Variants in PLD3 observed in about 807,000 individuals in gnomAD.
PLD3 encodes the protein 5'-3' exonuclease PLD3.
In PLD3, 31 loss-of-function variants were observed where a neutral mutation model predicts 58.4. The observed-to-expected ratio is 0.53, with a 90% CI of 0.40 to 0.72. The LOEUF (loss-of-function observed/expected upper bound fraction) is 0.72. Among genes scored for constraint, PLD3 ranks in the 30% least tolerant of loss-of-function variants. The pLI, the probability that PLD3 is intolerant of heterozygous loss-of-function variation, is 0.00. For missense variants in PLD3, 595 were observed against 659.8 expected (o/e 0.90, Z 1.08); for synonymous variants, 264 against 273.4 (o/e 0.97, Z 0.34).
intron 1 of PLD3, among the ~76,000 whole-genome samples, chr19:40,355,282 T>A (rs940046716): frequency 2.6e-5 from 4 of 152,004 alleles, no homozygotes; most frequent in Non-Finnish European, 5.9e-5. Context: ...TAGAATAACA[T>A]CTTTAAGAAG....
intron 11 of PLD3, 96 bp from the exon 12 acceptor site, chr19:40,377,690 C>T: frequency 2.4e-6 from 2 of 846,102 alleles, no homozygotes; most frequent in Non-Finnish European, 2.0e-6. Context: ...GCAGTGGAGT[C>T]CCACAGATCT....
intron 10 of PLD3, among the ~76,000 whole-genome samples, chr19:40,374,977 G>A (rs2145702625): frequency 6.6e-6 from 1 of 151,646 alleles, no homozygotes; most frequent in Non-Finnish European, 1.5e-5. Context: ...CTAACATGGT[G>A]AAATCCCATC....
At chr19:40,351,690 G>C (rs1031987523) in intron 1 of PLD3, among the ~76,000 whole-genome samples, 3 of 152,154 alleles carry the variant, frequency 2.0e-5, no homozygotes, top group Admixed American at 2.0e-4. Flanking sequence ...GAGAGGAGAG[G>C]GGCAAGAGAC....
intron 1 of PLD3, among the ~76,000 whole-genome samples, chr19:40,364,531 C>G (rs2078866888): frequency 6.6e-6 from 1 of 151,872 alleles, no homozygotes; most frequent in African/African-American, 2.4e-5. Flanking sequence ...GTGGCTCATG[C>G]CTGTAATCCC....
At chr19:40,375,935 C>G (rs1056354004) in intron 10 of PLD3, among the ~76,000 whole-genome samples, 1 of 152,058 alleles carries the variant, frequency 6.6e-6, no homozygotes, top group Non-Finnish European at 1.5e-5. Flanking sequence ...CACCTGCAGT[C>G]CCAGCTACTC....
At chr19:40,369,115 A>AC (rs1460136990) in intron 6 of PLD3, among the ~76,000 whole-genome samples, 1 of 151,846 alleles carries the variant, frequency 6.6e-6, no homozygotes, top group African/African-American at 2.4e-5. Flanking sequence ...ACATAGTGAA[A>AC]CCCTGTCTCT....
At position 40,350,248 on chromosome 19, in the gene PLD3, G is replaced by C. The variant is rs548411954; in HGVS notation, c.-279+1480G>C. Among the ~76,000 whole-genome samples, 8 of 123,192 alleles carry C rather than the reference G, an allele frequency of 6.5e-5. No homozygotes were observed. In the East Asian group the frequency reaches 1.4e-3, roughly 21 times the overall value. The allele number at this position is 123,192 out of a possible 152,430, so 80.8% of individuals were successfully genotyped here. A position where few individuals can be genotyped will look rare whatever the true frequency, so the allele number is the denominator to read the frequency against. ...GCACTGTAGCCTGGGCAACAAGAGC[G>C]AGACTCCGTCTCAAAAAAAAAAAAA... On this transcript the variant is annotated intron_variant, in intron 1 of 12. Transcript: ENST00000409735.
At position 40,348,695 on chromosome 19, in the gene PLD3, G is replaced by T. The variant is rs1289886664; in HGVS notation, c.-352G>T. The stretch of plus-strand genomic sequence containing the variant: ...TAGTGCGCCTGCGCGCGGCTAGGAG[G>T]GGCCGTCAGGCGGGGATACAGCCTG... On this transcript the variant is annotated 5_prime_UTR_variant, in exon 1 of 13. Coordinates refer to ENST00000409735, the MANE Select transcript of PLD3 (RefSeq NM_012268.4). 5.8e-6 allele frequency: 4 copies of T among 688,266 alleles called. No homozygotes were observed. The highest frequency in any genetic ancestry group is 3.0e-4 in the Middle Eastern group (1 of 3,382). 42.6% of individuals were successfully genotyped at this position (688,266 alleles called of 1,614,324 possible).
intron 1 of PLD3, among the ~76,000 whole-genome samples, chr19:40,363,509 C>A (rs936721556): frequency 2.0e-5 from 3 of 152,220 alleles, no homozygotes; most frequent in Non-Finnish European, 2.9e-5. Context: ...CAGCTCACTG[C>A]AACCTCTGCC....
At chr19:40,363,405 T>C (rs2078834886) in intron 1 of PLD3, among the ~76,000 whole-genome samples, 1 of 147,278 alleles carries the variant, frequency 6.8e-6, no homozygotes, top group African/African-American at 2.6e-5. Flanking sequence ...TGTTGCTGTT[T>C]CTTGCTAGAT....
At chr19:40,351,997 C>T (rs1459739834) in intron 1 of PLD3, among the ~76,000 whole-genome samples, 2 of 152,124 alleles carry the variant, frequency 1.3e-5, no homozygotes, top group East Asian at 3.9e-4. Flanking sequence ...CGAGACCGGG[C>T]GTGGTGGTTC....
intron 1 of PLD3, among the ~76,000 whole-genome samples, chr19:40,352,760 C>CA (rs1394738747): frequency 6.6e-6 from 1 of 152,018 alleles, no homozygotes; most frequent in African/African-American, 2.4e-5. Flanking sequence ...CCCAGCAGTT[C>CA]AATAGCAGCC....
Position 40,366,467 on chromosome 19 carries a change from C to T in PLD3, c.-17C>T. Reference sequence around the variant, plus strand: ...CTTCTCACCTGGGCTCTGCGTATCCCCCAGCCTTGAGGGAAGATGAAGCCT... The same window carrying T: ...CTTCTCACCTGGGCTCTGCGTATCCTCCAGCCTTGAGGGAAGATGAAGCCT... On this transcript the variant is annotated 5_prime_UTR_variant, in exon 3 of 13. Transcript: ENST00000409735. 6.2e-7 allele frequency: 1 copy of T among 1,613,780 alleles called. No homozygotes were observed. Among genetic ancestry groups the T allele is most frequent in the Non-Finnish European group, 8.5e-7 (1 of 1,179,748 alleles).
chr19:40,367,901 G>A (rs1266320418), intron 6 of PLD3, 22 bp downstream of exon 6: 9 of 1,520,306 alleles, frequency 5.9e-6, no homozygotes, highest in Non-Finnish European at 7.9e-6. Flanking sequence ...CTTGGCCCTG[G>A]CCGGCAGCAG....
intron 1 of PLD3, among the ~76,000 whole-genome samples, chr19:40,361,171 C>T (rs548784385): frequency 8.5e-5 from 13 of 152,080 alleles, no homozygotes; most frequent in South Asian, 2.1e-4. Flanking sequence ...AGTGCAATGG[C>T]GCAATCTTGG....
intron 1 of PLD3, among the ~76,000 whole-genome samples, chr19:40,352,141 CTT>C: frequency 6.6e-6 from 1 of 150,842 alleles, no homozygotes; most frequent in Non-Finnish European, 1.5e-5. Context: ...GGCGTTGTGG[CTT>C]GTGCCTGTAA....
In PLD3 at chr19:40,378,407, GCCTGGCCC is replaced by G; in HGVS notation, c.*243_*250del. ...CCAAAGAAATGGGGGTGCATGCTGG[GCCTGGCCC>G]CCTGGCCCACCCCCACTTTCCAGGG... is the stretch of plus-strand genomic sequence containing the variant. On this transcript the variant is annotated 3_prime_UTR_variant, in exon 13 of 13. Coordinates refer to ENST00000409735, the MANE Select transcript of PLD3 (RefSeq NM_012268.4). 1.6e-6 allele frequency: 1 copy of G among 624,892 alleles called. No individual in the cohort carries two copies. The highest frequency in any genetic ancestry group is 1.7e-5 in the South Asian group (1 of 57,574). 38.7% of individuals were successfully genotyped at this position (624,892 alleles called of 1,614,324 possible).
At chr19:40,359,442 G>C (rs946334630) in intron 1 of PLD3, 2 of 152,190 alleles carry the variant, frequency 1.3e-5, no homozygotes, top group African/African-American at 4.8e-5. Flanking sequence ...GGAGGTTCTA[G>C]GGTCCTGAGA....
At chr19:40,350,824 T>C (rs1401848978) in intron 1 of PLD3, among the ~76,000 whole-genome samples, 1 of 150,842 alleles carries the variant, frequency 6.6e-6, no homozygotes. Context: ...AATAGGTAAG[T>C]AGATTATTGG....
Sources: gnomAD v4.1 joint callset for allele counts (sites outside exome capture counted in the v4.1 genomes callset) on GRCh38, gnomAD v4.1.1 for gene constraint, MANE v1.5 for transcripts, NCBI Gene and HGNC (gene_info 2026-07-23, HGNC 2026-07-21) for gene names.